The following GNAQ variants were observed in gnomAD, a reference collection of about 807,000 sequenced individuals.
GNAQ encodes G protein subunit alpha q.
GNAQ carries 8 observed loss-of-function variants against 43.9 expected under a neutral mutation model. The observed-to-expected ratio is 0.18, with a 90% CI of 0.11 to 0.33. The LOEUF (loss-of-function observed/expected upper bound fraction) is 0.33. GNAQ is among the 10% of genes least tolerant of loss of function. The pLI, the probability that GNAQ is intolerant of heterozygous loss-of-function variation, is 1.00. For synonymous variants in GNAQ, 155 were observed against 170.7 expected, an observed-to-expected ratio of 0.91 and a Z score of 0.71; for missense variants, 158 against 450.8, an observed-to-expected ratio of 0.35 and a Z score of 5.88.
chr9:77,924,229 T>C (rs1043242799), intron 1 of GNAQ, among the ~76,000 whole-genome samples: 3 of 152,176 alleles, frequency 2.0e-5, no homozygotes, highest in Non-Finnish European at 4.4e-5. Flanking sequence ...GAATACTGGA[T>C]AAAAGCATAA....
chr9:77,880,562 T>G (rs931503898), intron 2 of GNAQ, among the ~76,000 whole-genome samples: 5 of 149,318 alleles, frequency 3.3e-5, no homozygotes, highest in Non-Finnish European at 7.4e-5. Context: ...TCTGTTTTTT[T>G]TTTTTTGTTT....
intron 1 of GNAQ, among the ~76,000 whole-genome samples, chr9:77,990,627 T>C (rs1268721129): frequency 1.3e-5 from 2 of 152,196 alleles, no homozygotes; most frequent in Non-Finnish European, 2.9e-5. Context: ...GTGTGCATAT[T>C]TGAATGCATG....
chr9:77,781,949 C>A (rs1410858208), intron 5 of GNAQ, among the ~76,000 whole-genome samples: 2 of 152,080 alleles, frequency 1.3e-5, no homozygotes, highest in African/African-American at 4.8e-5. Flanking sequence ...TCTCTAAGAT[C>A]AGGAACAAGG....
At chr9:77,918,852 T>C (rs1471765068) in intron 2 of GNAQ, among the ~76,000 whole-genome samples, 1 of 152,242 alleles carries the variant, frequency 6.6e-6, no homozygotes, top group East Asian at 1.9e-4. Flanking sequence ...CAAGAGTTAT[T>C]TGTTGATTTG....
intron 2 of GNAQ, among the ~76,000 whole-genome samples, chr9:77,843,519 G>C (rs1827525900): frequency 6.6e-6 from 1 of 152,170 alleles, no homozygotes; most frequent in African/African-American, 2.4e-5. Context: ...CCAGGTGTCA[G>C]TCTTCCTAGA....
intron 5 of GNAQ, among the ~76,000 whole-genome samples, chr9:77,772,189 C>T (rs1040177777): frequency 5.3e-5 from 8 of 152,132 alleles, no homozygotes; most frequent in South Asian, 2.1e-4. Flanking sequence ...ATAATGGAAA[C>T]GAAAGTTTCA....
chr9:78,013,511 C>T (rs1239203020), intron 1 of GNAQ, among the ~76,000 whole-genome samples: 3 of 151,490 alleles, frequency 2.0e-5, no homozygotes, highest in African/African-American at 7.3e-5. Flanking sequence ...CCCCTTCCTG[C>T]GTCCATGTGT....
rs530528752 is a variant in GNAQ, at chr9:77,844,932, C to T, written c.322-29162G>A. Among the ~76,000 whole-genome samples, 3 of 152,216 alleles carry T rather than the reference C, an allele frequency of 2.0e-5. No homozygotes were observed. In the South Asian group the frequency reaches 6.2e-4, roughly 32 times the overall value. On this transcript the variant is annotated intron_variant, in intron 2 of 6. Coordinates refer to ENST00000286548, the MANE Select transcript of GNAQ (RefSeq NM_002072.5). ...TTGGGTGATCTGCCTGCCTCGGCCT[C>T]CCAAGTACTGGGAATCTGCCTATTT...
At chr9:77,841,222 G>A (rs907953870) in intron 2 of GNAQ, among the ~76,000 whole-genome samples, 2 of 152,124 alleles carry the variant, frequency 1.3e-5, no homozygotes, top group African/African-American at 4.8e-5. Flanking sequence ...AGAAAACTCC[G>A]AATGTATAAC....
At chr9:77,760,806 GTC>G (rs1371678468) in intron 5 of GNAQ, among the ~76,000 whole-genome samples, 3 of 151,278 alleles carry the variant, frequency 2.0e-5, no homozygotes, top group African/African-American at 7.3e-5. Flanking sequence ...AGTGAGGAGC[GTC>G]TCTGCCCAGC....
intron 2 of GNAQ, among the ~76,000 whole-genome samples, chr9:77,912,786 C>T (rs1379047238): frequency 6.6e-6 from 1 of 152,142 alleles, no homozygotes; most frequent in East Asian, 1.9e-4. Context: ...GCTCAGGATG[C>T]TTAGTTATCA....
intron 5 of GNAQ, among the ~76,000 whole-genome samples, chr9:77,749,221 A>G (rs1305931304): frequency 6.6e-6 from 1 of 152,136 alleles, no homozygotes; most frequent in Non-Finnish European, 1.5e-5. Flanking sequence ...TTTGGGTCTA[A>G]GTCAAAACAT....
chr9:77,727,183 C>G (rs2118212208), intron 6 of GNAQ, among the ~76,000 whole-genome samples: 1 of 151,374 alleles, frequency 6.6e-6, no homozygotes, highest in African/African-American at 2.4e-5. Flanking sequence ...CTCTTGCCAA[C>G]TCCTGCCTCA....
chr9:77,999,824 T>C (rs757221897), intron 1 of GNAQ, among the ~76,000 whole-genome samples: 2 of 152,140 alleles, frequency 1.3e-5, no homozygotes, highest in Non-Finnish European at 2.9e-5. Flanking sequence ...TATGGAAAAC[T>C]GGAGGCCAAT....
At chr9:78,005,173 G>A (rs1823690530) in intron 1 of GNAQ, among the ~76,000 whole-genome samples, 1 of 152,044 alleles carries the variant, frequency 6.6e-6, no homozygotes, top group African/African-American at 2.4e-5. Flanking sequence ...CACACCCCAT[G>A]TAGCTGGGAC....
rs539038292 is a variant in GNAQ, at chr9:78,006,405, T to C, written c.136+24695A>G. Among the ~76,000 whole-genome samples, 18 of 152,310 alleles carry C rather than the reference T, an allele frequency of 1.2e-4. No homozygotes were observed. The East Asian group carries it at 3.5e-3, about 29-fold the overall frequency. ...CATAGGATCAACCAAAAACACTGTC[T>C]TGTACACACATACCAAAAAATCTTA... On this transcript the variant is annotated intron_variant, in intron 1 of 6. Coordinates refer to ENST00000286548, the MANE Select transcript of GNAQ (RefSeq NM_002072.5).
intron 2 of GNAQ, among the ~76,000 whole-genome samples, chr9:77,818,283 A>G (rs2118517894): frequency 6.6e-6 from 1 of 152,320 alleles, no homozygotes; most frequent in Middle Eastern, 3.4e-3. Context: ...TTGGAAAATG[A>G]CATTCAAATA....
intron 5 of GNAQ, among the ~76,000 whole-genome samples, chr9:77,758,396 C>T (rs1042332992): frequency 2.0e-5 from 3 of 152,082 alleles, no homozygotes; most frequent in African/African-American, 7.2e-5. Flanking sequence ...TACACTGACA[C>T]AGTATTAATA....
At chr9:77,944,700 C>T (rs940412023) in intron 1 of GNAQ, among the ~76,000 whole-genome samples, 32 of 152,176 alleles carry the variant, frequency 2.1e-4, no homozygotes, top group Admixed American at 2.1e-3. Flanking sequence ...ACTTAGCTTG[C>T]CCAGTGTGAA....
Sources: gnomAD v4.1 joint callset for allele counts (sites outside exome capture counted in the v4.1 genomes callset) on GRCh38, gnomAD v4.1.1 for gene constraint, MANE v1.5 for transcripts, NCBI Gene and HGNC (gene_info 2026-07-23, HGNC 2026-07-21) for gene names.